The following NLRP11 variants were observed in gnomAD, a reference collection of about 807,000 sequenced individuals.
The protein encoded by NLRP11 is NACHT, LRR and PYD domains-containing protein 11.
NLRP11 carries 53 observed loss-of-function variants against 79.3 expected under a neutral mutation model. The observed-to-expected ratio is 0.67, with a 90% confidence interval of 0.54 to 0.84. NLRP11 has a LOEUF of 0.84. NLRP11 is among the 40% of genes least tolerant of loss of function. NLRP11 has a pLI of 0.00. For synonymous variants in NLRP11, 518 were observed against 462.6 expected, an observed-to-expected ratio of 1.12 and a Z score of -1.54; for missense variants, 1,264 against 1,255.0, an observed-to-expected ratio of 1.01 and a Z score of -0.11.
chr19:55,829,858 A>T (rs943516743), intron 1 of NLRP11, among the ~76,000 whole-genome samples: 24 of 152,222 alleles, frequency 1.6e-4, no homozygotes, highest in African/African-American at 5.5e-4. Flanking sequence ...ACCCACGTAT[A>T]ACTTTTGACT....
chr19:55,799,526 G>A (rs1227233222), intron 5 of NLRP11, among the ~76,000 whole-genome samples: 1 of 152,116 alleles, frequency 6.6e-6, no homozygotes, highest in Non-Finnish European at 1.5e-5. Context: ...AAGGCCAAGA[G>A]GAAAATGTGT....
chr19:55,823,142 A>T (rs939588468), intron 1 of NLRP11, among the ~76,000 whole-genome samples: 5 of 146,976 alleles, frequency 3.4e-5, no homozygotes, highest in Admixed American at 6.8e-5. Flanking sequence ...GGCACCCCCC[A>T]GCAGGAGCAC....
chr19:55,798,290 G>A lies in NLRP11; in HGVS notation c.2172-2040C>T, dbSNP rs533562972. On this transcript the variant is annotated intron_variant, in intron 5 of 9. Transcript: ENST00000589093. ...TGGGATTCCAGGCGTGAGCCGTCGC[G>A]TTGGCCTGTGTATTCTATTTGGAAT... is the stretch of plus-strand genomic sequence containing the variant. 50 of 982,436 alleles carry A rather than the reference G, an allele frequency of 5.1e-5. No homozygotes were observed. The South Asian group carries it at 7.5e-4, about 15-fold the overall frequency. 60.9% of individuals were successfully genotyped at this position (982,436 alleles called of 1,614,324 possible).
Position 55,802,820 on chromosome 19 carries a change from A to G in NLRP11, c.2004-1081T>C, listed in dbSNP as rs192976639. On this transcript the variant is annotated intron_variant, in intron 4 of 9. Coordinates refer to ENST00000589093, the Ensembl canonical transcript of NLRP11. ...ATGGTACTGGTACAAAAACAGACAC[A>G]TAGACCAACAGAACAGAATAGAGAA... Among the ~76,000 whole-genome samples, 57 of 152,324 alleles carry G rather than the reference A, an allele frequency of 3.7e-4. No individual in the cohort carries two copies. The East Asian group carries it at 8.7e-3, about 23-fold the overall frequency.
intron 3 of NLRP11, 23 bp downstream of exon 3, chr19:55,808,746 G>A (rs542328667): frequency 1.3e-6 from 2 of 1,576,818 alleles, no homozygotes; most frequent in Admixed American, 1.8e-5. Flanking sequence ...ACAGGAAAGA[G>A]GATTTATTTT....
chr19:55,831,110 TC>T (rs1568647613), intron 1 of NLRP11, among the ~76,000 whole-genome samples: 4 of 10,008 alleles, frequency 4.0e-4, no homozygotes, highest in East Asian at 6.0e-3. Context: ...ACCCCCCCCA[TC>T]CCCCCCACCC....
intron 2 of NLRP11, among the ~76,000 whole-genome samples, chr19:55,814,616 C>T (rs8101028): frequency 0.07 from 10,615 of 152,140 alleles, 506 homozygotes; most frequent in East Asian, 0.13. Context: ...AGAAAACACT[C>T]AAGGAAGGAA....
Position 55,788,363 on chromosome 19 carries a change from CT to C in NLRP11, c.2855+443del, listed in dbSNP as rs74179639. On this transcript the variant is annotated intron_variant, in intron 9 of 9. Coordinates refer to ENST00000589093, the Ensembl canonical transcript of NLRP11. ...ATTTTCAATCTCCCAAGAGGAAAGA[CT>C]TTTTTTTTTTTTTTGTATTGGAAAC... is the stretch of plus-strand genomic sequence containing the variant. Among the ~76,000 whole-genome samples the C allele has an allele frequency of 4.6e-3, 641 of 140,540 alleles. 2 individuals are homozygous for C. The highest frequency in any genetic ancestry group is 8.8e-3 in the African/African-American group (336 of 37,994). The allele number at this position is 140,540 out of a possible 152,430, so 92.2% of individuals were successfully genotyped here.
intron 9 of NLRP11, among the ~76,000 whole-genome samples, chr19:55,786,477 C>T (rs1236009636): frequency 1.3e-5 from 2 of 151,954 alleles, no homozygotes; most frequent in Non-Finnish European, 2.9e-5. Context: ...GCCATGATCA[C>T]ACCACTGCTC....
At chr19:55,813,759 AGACATT>A (rs1206439811) in intron 2 of NLRP11, among the ~76,000 whole-genome samples, 2 of 152,110 alleles carry the variant, frequency 1.3e-5, no homozygotes, top group African/African-American at 4.8e-5. Context: ...AGGAGGGGAA[AGACATT>A]GCAATGTCCA....
chr19:55,827,960 T>C (rs796125727), intron 1 of NLRP11, among the ~76,000 whole-genome samples: 1 of 151,922 alleles, frequency 6.6e-6, no homozygotes, highest in East Asian at 1.9e-4. Flanking sequence ...TAAAGACACA[T>C]GCACAAGTAT....
chr19:55,833,689 G>A (rs892449598), upstream of NLRP11, among the ~76,000 whole-genome samples: 3 of 144,886 alleles, frequency 2.1e-5, no homozygotes, highest in African/African-American at 5.1e-5. Flanking sequence ...AATTACTTGA[G>A]CCCGGGAGGA....
At chr19:55,817,936 T>C in exon 2 of NLRP11, 1 of 1,611,092 alleles carries the variant, frequency 6.2e-7, no homozygotes, top group Non-Finnish European at 8.5e-7. Context: ...CCTACAAAGA[T>C]CTTCCTTACG....
intron 4 of NLRP11, among the ~76,000 whole-genome samples, chr19:55,806,829 C>G (rs1980044543): frequency 6.6e-6 from 1 of 152,106 alleles, no homozygotes; most frequent in Admixed American, 6.5e-5. Flanking sequence ...ACATGTAGGT[C>G]TCTGAACTCA....
intron 1 of NLRP11, among the ~76,000 whole-genome samples, chr19:55,822,440 C>G (rs113363109): frequency 4.2e-4 from 64 of 152,328 alleles, no homozygotes; most frequent in African/African-American, 1.4e-3. Context: ...CAGCTCCGGT[C>G]TACAGCTCCC....
chr19:55,831,770 A>G (rs1217375452), intron 1 of NLRP11, among the ~76,000 whole-genome samples, 193 bp downstream of exon 1: 1 of 151,324 alleles, frequency 6.6e-6, no homozygotes. Context: ...AAAAAAAAGC[A>G]TGACCCAAAT....
At chr19:55,801,049 C>T (rs1340482611) in intron 5 of NLRP11, 1 of 152,946 alleles carries the variant, frequency 6.5e-6, no homozygotes, top group Non-Finnish European at 1.5e-5. Context: ...CATGGTGGCA[C>T]ATACCTGAAA....
At chr19:55,796,302 C>T (rs1241903744) in intron 5 of NLRP11, 52 bp from the exon 6 acceptor site, 1 of 1,400,640 alleles carries the variant, frequency 7.1e-7, no homozygotes, top group Non-Finnish European at 9.6e-7. Context: ...AAGCTATCCC[C>T]TCTTTTAAAT....
At chr19:55,829,340 G>A (rs549179829) in intron 1 of NLRP11, among the ~76,000 whole-genome samples, 4 of 152,054 alleles carry the variant, frequency 2.6e-5, no homozygotes, top group African/African-American at 4.8e-5. Context: ...TATTTCCGGT[G>A]CATTATTATG....
Sources: gnomAD v4.1 joint callset for allele counts (sites outside exome capture counted in the v4.1 genomes callset) on GRCh38, gnomAD v4.1.1 for gene constraint, MANE v1.5 for transcripts, NCBI Gene and HGNC (gene_info 2026-07-23, HGNC 2026-07-21) for gene names.